Variants in FGF13 observed in about 807,000 individuals in gnomAD.
The protein encoded by FGF13 is fibroblast growth factor 13.
FGF13 carries 2 observed loss-of-function variants against 19.5 expected under a neutral mutation model. That is an observed-to-expected ratio of 0.10 (90% CI 0.04 to 0.32). The LOEUF is 0.32. Among genes scored for constraint, FGF13 ranks in the 10% least tolerant of loss-of-function variants. FGF13 has a pLI of 1.00. For missense variants in FGF13, 113 were observed against 192.7 expected, an observed-to-expected ratio of 0.59 and a Z score of 2.45; for synonymous variants, 72 against 76.9, an observed-to-expected ratio of 0.94 and a Z score of 0.33.
chrX:139,188,563 G>A (rs2084299434), intron 1 of FGF13, among the ~76,000 whole-genome samples: 1 of 111,612 alleles, frequency 9.0e-6, no homozygotes, highest in African/African-American at 3.3e-5. Flanking sequence ...AGAGGTGGCA[G>A]GGAGGAGACA....
chrX:139,089,156 G>A (rs922004148), intron 1 of FGF13, among the ~76,000 whole-genome samples: 4 of 112,031 alleles, frequency 3.6e-5, no homozygotes, highest in Non-Finnish European at 3.8e-5. Context: ...GTGTGTGCAC[G>A]CATGTGTGTT....
chrX:138,658,602 C>T (rs912241137), intron 3 of FGF13, among the ~76,000 whole-genome samples: 48 of 111,601 alleles, frequency 4.3e-4, no homozygotes, highest in African/African-American at 1.5e-3. Flanking sequence ...TTTGAACATT[C>T]GAGTGTCGGG....
chrX:138,729,602 G>A (rs2090212771), intron 1 of FGF13, among the ~76,000 whole-genome samples: 2 of 108,974 alleles, frequency 1.8e-5, no homozygotes, highest in Non-Finnish European at 3.8e-5. Flanking sequence ...TATATGAGGG[G>A]ATAATGGCCA....
intron 1 of FGF13, among the ~76,000 whole-genome samples, chrX:138,972,748 C>T (rs755595139): frequency 9.0e-6 from 1 of 111,072 alleles, no homozygotes; most frequent in South Asian, 3.8e-4. Flanking sequence ...TTTGCATTTA[C>T]GTGATGATTA....
intron 1 of FGF13, among the ~76,000 whole-genome samples, chrX:139,049,777 T>A (rs760332271): frequency 3.7e-4 from 42 of 112,475 alleles, no homozygotes; most frequent in Non-Finnish European, 6.8e-4. Flanking sequence ...CGGAATCCCA[T>A]AGCATTCCTT....
intron 3 of FGF13, among the ~76,000 whole-genome samples, chrX:138,651,798 C>T (rs780304755): frequency 8.9e-5 from 10 of 112,173 alleles, no homozygotes; most frequent in African/African-American, 3.2e-4. Flanking sequence ...ATCTGAGGTT[C>T]ATTCTTTGTC....
At chrX:139,176,921 T>G (rs1160475169) in intron 1 of FGF13, among the ~76,000 whole-genome samples, 1 of 111,936 alleles carries the variant, frequency 8.9e-6, no homozygotes, top group Non-Finnish European at 1.9e-5. Context: ...AGATGTCTAT[T>G]AGGTCTGCTT....
chrX:138,745,415 G>A (rs1284828524), intron 3 of FGF13, among the ~76,000 whole-genome samples: 2 of 111,708 alleles, frequency 1.8e-5, no homozygotes, highest in Non-Finnish European at 3.8e-5. Flanking sequence ...TAAGAGAATG[G>A]CCTCGTATGT....
At chrX:139,078,774 A>C (rs1162823404) in intron 1 of FGF13, among the ~76,000 whole-genome samples, 1 of 112,721 alleles carries the variant, frequency 8.9e-6, no homozygotes, top group Non-Finnish European at 1.9e-5. Flanking sequence ...ATAAGGAACT[A>C]TCATTGGAAG....
chrX:138,995,556 A>T (rs772752083), intron 1 of FGF13, among the ~76,000 whole-genome samples: 1 of 112,277 alleles, frequency 8.9e-6, no homozygotes, highest in African/African-American at 3.2e-5. Context: ...ATGAGAACAT[A>T]CAGTGTTTGG....
intron 1 of FGF13, among the ~76,000 whole-genome samples, chrX:139,097,045 C>T (rs1384773617): frequency 8.9e-6 from 1 of 111,800 alleles, no homozygotes; most frequent in Non-Finnish European, 1.9e-5. Context: ...TATATACTAG[C>T]ATAACTTGTG....
At chrX:138,856,902 A>G (rs898191613), downstream of FGF13, among the ~76,000 whole-genome samples, 2 of 112,013 alleles carry the variant, frequency 1.8e-5, no homozygotes, top group Non-Finnish European at 3.8e-5. Context: ...CAGTTTAAGT[A>G]ACAGCAAGTA....
chrX:138,735,293 C>G (rs1250134835), intron 1 of FGF13, among the ~76,000 whole-genome samples: 1 of 111,923 alleles, frequency 8.9e-6, no homozygotes, highest in African/African-American at 3.2e-5. Context: ...ACCTCCAAGG[C>G]TGACTGCTCT....
At chrX:138,712,213 G>A (rs950388947), upstream of FGF13, 10 of 111,840 alleles carry the variant, frequency 8.9e-5, no homozygotes, top group African/African-American at 3.3e-4. Flanking sequence ...TTCAGCCCCA[G>A]CGGTAGCAGC....
chrX:138,669,779 T>C (rs756148923), intron 3 of FGF13, among the ~76,000 whole-genome samples: 1 of 111,717 alleles, frequency 9.0e-6, no homozygotes, highest in African/African-American at 3.2e-5. Context: ...ACAGCATTAT[T>C]TACATTTTAG....
chrX:138,942,294 A>T (rs1159486332), intron 1 of FGF13, among the ~76,000 whole-genome samples: 1 of 111,893 alleles, frequency 8.9e-6, no homozygotes, highest in Non-Finnish European at 1.9e-5. Flanking sequence ...CTACTCCTGC[A>T]TTACTGTCTA....
At chrX:138,881,325 G>A (rs947441160) in intron 1 of FGF13, among the ~76,000 whole-genome samples, 1 of 111,332 alleles carries the variant, frequency 9.0e-6, no homozygotes, top group African/African-American at 3.3e-5. Context: ...GCTTTCTTGT[G>A]GATTCCTTGG....
At chrX:138,739,962 A>C (rs1398288097), upstream of FGF13, among the ~76,000 whole-genome samples, 5 of 112,126 alleles carry the variant, frequency 4.5e-5, no homozygotes, top group Non-Finnish European at 7.5e-5. Flanking sequence ...GCTTTTAGCT[A>C]ATTATAACAA....
chrX:138,849,915 A>G (rs936898831), intron 3 of FGF13, among the ~76,000 whole-genome samples: 2 of 111,898 alleles, frequency 1.8e-5, no homozygotes, highest in East Asian at 5.7e-4. Flanking sequence ...ACTTTCGCAG[A>G]TAAGTGTCAC....
Sources: allele counts gnomAD v4.1 joint callset (sites outside exome capture counted in the v4.1 genomes callset), GRCh38; gene constraint gnomAD v4.1.1; transcripts MANE v1.5; gene names NCBI Gene and HGNC (gene_info 2026-07-23, HGNC 2026-07-21).